CBR4: variants seen among roughly 807,000 people sequenced by gnomAD.
CBR4 encodes carbonyl reductase 4, also known as 3-oxoacyl-[acyl-carrier-protein] reductase.
In CBR4, 22 loss-of-function variants were observed where a neutral mutation model predicts 21.0. The ratio of observed to expected loss-of-function variants is 1.05; its 90% CI spans 0.75 to 1.50. CBR4 has a LOEUF of 1.50. Among genes scored for constraint, CBR4 ranks in the 40% most tolerant of loss-of-function variants. The pLI, the probability that CBR4 is intolerant of heterozygous loss-of-function variation, is 0.00. For synonymous variants in CBR4, 100 were observed against 104.4 expected, an observed-to-expected ratio of 0.96 and a Z score of 0.26; for missense variants, 302 against 286.3, an observed-to-expected ratio of 1.05 and a Z score of -0.40.
chr4:168,912,805 A>G (rs999872983), intron 2 of CBR4, among the ~76,000 whole-genome samples: 2 of 152,236 alleles, frequency 1.3e-5, no homozygotes, highest in Admixed American at 6.5e-5. Flanking sequence ...GTGAAACACT[A>G]AAACTTTTTC....
Position 168,928,962 on chromosome 4 carries a change from C to T in CBR4, n.170-34197G>A, listed in dbSNP as rs560185367. On this transcript the variant is annotated intron_variant and non_coding_transcript_variant, in intron 2 of 3. Coordinates refer to the CBR4 transcript ENST00000509108. ...AATCCCTTCAAAGCAGCAGCTAAAT[C>T]GCCATTTGATTGGAATAACTGAGAG... Among the ~76,000 whole-genome samples, 7 of 152,138 alleles carry T rather than the reference C, an allele frequency of 4.6e-5. No homozygotes were observed. In the South Asian group the frequency reaches 1.4e-3, roughly 32 times the overall value.
chr4:168,930,173 ATT>A (rs1762931524), intron 2 of CBR4, among the ~76,000 whole-genome samples: 1 of 152,184 alleles, frequency 6.6e-6, no homozygotes. Flanking sequence ...TGTATTATAA[ATT>A]TGTTTTTAAT....
intron 2 of CBR4, among the ~76,000 whole-genome samples, chr4:168,932,356 A>G (rs1762994590): frequency 6.6e-6 from 1 of 152,042 alleles, no homozygotes; most frequent in Non-Finnish European, 1.5e-5. Flanking sequence ...AGAATTTCTG[A>G]ACTTGGAGGT....
chr4:169,004,833 G>T (rs1039796706), intron 3 of CBR4, among the ~76,000 whole-genome samples: 2 of 152,094 alleles, frequency 1.3e-5, no homozygotes, highest in Non-Finnish European at 2.9e-5. Context: ...GCCTACTGAA[G>T]ATTCTTGAGT....
intron 2 of CBR4, among the ~76,000 whole-genome samples, chr4:168,969,116 A>G (rs1764129271): frequency 6.6e-6 from 1 of 152,242 alleles, no homozygotes; most frequent in Admixed American, 6.5e-5. Flanking sequence ...TGTATTCCCA[A>G]GAATCTTTGA....
At chr4:168,994,725 C>T (rs1973113) in intron 4 of CBR4, among the ~76,000 whole-genome samples, 10 of 145,894 alleles carry the variant, frequency 6.9e-5, no homozygotes, top group Admixed American at 4.2e-4. Flanking sequence ...ACAACAGGCG[C>T]CTACCACCAC....
At chr4:168,921,817 C>A in intron 2 of CBR4, 1 of 1,131,298 alleles carries the variant, frequency 8.8e-7, no homozygotes, top group Non-Finnish European at 1.3e-6. Context: ...TTCTACATTA[C>A]TAACCAATAC....
intron 2 of CBR4, among the ~76,000 whole-genome samples, chr4:168,943,924 CA>C (rs1246023080): frequency 3.3e-5 from 5 of 149,604 alleles, no homozygotes; most frequent in African/African-American, 1.2e-4. Flanking sequence ...CAAAACAAAA[CA>C]AAAACAAAAA....
At chr4:168,951,927 GTTC>G (rs1384149402) in intron 2 of CBR4, among the ~76,000 whole-genome samples, 3 of 152,160 alleles carry the variant, frequency 2.0e-5, no homozygotes, top group Non-Finnish European at 4.4e-5. Context: ...TTTCCCAGGT[GTTC>G]TTTGTGCTTC....
intron 2 of CBR4, among the ~76,000 whole-genome samples, chr4:168,974,617 T>C (rs1764313763): frequency 6.6e-6 from 1 of 152,152 alleles, no homozygotes; most frequent in Non-Finnish European, 1.5e-5. Flanking sequence ...TTATTCTCTT[T>C]TGTCTTTGTT....
At chr4:168,931,558 G>A (rs1762970837) in intron 2 of CBR4, among the ~76,000 whole-genome samples, 1 of 151,870 alleles carries the variant, frequency 6.6e-6, no homozygotes, top group Admixed American at 6.6e-5. Context: ...GGCTGGCTGA[G>A]AGGCACACCA....
intron 2 of CBR4, among the ~76,000 whole-genome samples, chr4:168,976,303 G>A (rs566300738): frequency 3.9e-5 from 6 of 152,278 alleles, no homozygotes; most frequent in South Asian, 4.1e-4. Context: ...GAGTACCTAC[G>A]GGGCTCCTCC....
chr4:168,931,531 C>G (rs1307083644), intron 2 of CBR4, among the ~76,000 whole-genome samples: 1 of 152,076 alleles, frequency 6.6e-6, no homozygotes. Flanking sequence ...GGGTCAACCC[C>G]CATGGACACA....
chr4:168,905,790 C>CTTTTTTTTTTTTTTTTTTTT (rs59427697), intron 2 of CBR4, among the ~76,000 whole-genome samples: 9 of 113,096 alleles, frequency 8.0e-5, no homozygotes, highest in Non-Finnish European at 1.6e-4. Context: ...GCTTTTTTTT[C>CTTTTTTTTTTTTTTTTTTTT]TTTTTTTTTT....
intron 2 of CBR4, among the ~76,000 whole-genome samples, chr4:168,942,721 T>A (rs1244064796): frequency 6.6e-6 from 1 of 152,128 alleles, no homozygotes; most frequent in Non-Finnish European, 1.5e-5. Context: ...CTGCAAACTC[T>A]TCACCTGACA....
chr4:168,976,483 T>A (rs991912401), intron 2 of CBR4, among the ~76,000 whole-genome samples: 1 of 152,214 alleles, frequency 6.6e-6, no homozygotes, highest in Non-Finnish European at 1.5e-5. Context: ...GGTGGTGGGA[T>A]TATCATTAGT....
chr4:168,945,253 A>C (rs948014163), intron 2 of CBR4, among the ~76,000 whole-genome samples: 1 of 152,228 alleles, frequency 6.6e-6, no homozygotes, highest in Non-Finnish European at 1.5e-5. Flanking sequence ...CCAAAGCTTA[A>C]GAACCACTGT....
chr4:169,003,508 G>A (rs1730639407), intron 3 of CBR4, among the ~76,000 whole-genome samples: 1 of 152,212 alleles, frequency 6.6e-6, no homozygotes, highest in South Asian at 2.1e-4. Context: ...AATGACAAAG[G>A]ATTTAGAATA....
chr4:168,894,716 T>C, exon 3 of CBR4: 1 of 1,600,196 alleles, frequency 6.2e-7, no homozygotes, highest in Non-Finnish European at 8.5e-7. Context: ...TAACATTTAT[T>C]CTGTCCCCCT....
Sources: gnomAD v4.1 joint callset for allele counts (sites outside exome capture counted in the v4.1 genomes callset) on GRCh38, gnomAD v4.1.1 for gene constraint, MANE v1.5 for transcripts, NCBI Gene and HGNC (gene_info 2026-07-23, HGNC 2026-07-21) for gene names.